The following ZNF326 variants were observed in gnomAD, a reference collection of about 807,000 sequenced individuals.
ZNF326 encodes the protein zinc finger protein 326.
In ZNF326, 30 loss-of-function variants were observed where a neutral mutation model predicts 63.1. That is an observed-to-expected ratio of 0.48 (90% confidence interval 0.36 to 0.64). The LOEUF is 0.64. Ranked by LOEUF, ZNF326 falls within the 30% of genes least tolerant of loss-of-function variation. ZNF326 has a pLI of 0.00. For missense variants in ZNF326, 609 were observed against 720.3 expected (o/e 0.85, Z 1.77); for synonymous variants, 194 against 228.2 (o/e 0.85, Z 1.35).
In ZNF326 at chr1:90,030,612, G is replaced by A. The variant is rs1650226456; in HGVS notation, c.*2911G>A. The A allele has an allele frequency of 6.6e-6, 1 of 151,884 alleles. No homozygotes were observed. Among genetic ancestry groups the A allele is most frequent in the Admixed American group, 6.6e-5 (1 of 15,244 alleles). The allele number at this position is 151,884 out of a possible 1,614,324, so 9.4% of individuals were successfully genotyped here. On this transcript the variant is annotated 3_prime_UTR_variant, in exon 12 of 12. Transcript: ENST00000340281. ...AAATGTTTGTAGAAACGAGGATTTG[G>A]GGGTACCAACCTAGATTTTACTAGA...
At chr1:90,001,410 C>T (rs915857004) in intron 2 of ZNF326, among the ~76,000 whole-genome samples, 5 of 152,098 alleles carry the variant, frequency 3.3e-5, no homozygotes, top group Non-Finnish European at 7.4e-5. Context: ...AGCAGGAAAA[C>T]CAGTTAGGAG....
Position 90,027,672 on chromosome 1 carries a change from T to C in ZNF326, c.1720T>C (p.Phe574Leu), listed in dbSNP as rs1465295403. Residue 574 changes from phenylalanine (F) to leucine (L), a missense_variant, in exon 12 of 12, where the codon TTC becomes CTC. Around this residue, in one of 3 missense-constraint regions of ZNF326, gnomAD observed 399 missense variants for 444.3 expected, o/e 0.90. Coordinates refer to ENST00000340281, the MANE Select transcript of ZNF326 (RefSeq NM_182976.4). ...EETAKEEPAD[F>L]PVEQPEEN is the part of the protein sequence containing the mutation. ...GACAGCAAAGGAAGAACCTGCTGAC[T>C]TCCCTGTTGAGCAACCTGAAGAAAA... 3.7e-6 allele frequency: 6 copies of C among 1,613,904 alleles called. No homozygotes were observed. In the South Asian group the frequency reaches 5.5e-5, roughly 15 times the overall value.
At chr1:90,002,661 A>C (rs1229470967) in intron 2 of ZNF326, among the ~76,000 whole-genome samples, 1 of 152,210 alleles carries the variant, frequency 6.6e-6, no homozygotes, top group African/African-American at 2.4e-5. Flanking sequence ...ACTGTTGAGC[A>C]CTTAAAACAT....
At position 90,022,377 on chromosome 1, in the gene ZNF326, ATAT is replaced by A. The variant is rs756964030; in HGVS notation, c.1401+34_1401+36del. 3.4e-6 allele frequency: 5 copies of A among 1,451,738 alleles called. No individual in the cohort carries two copies. In the African/African-American group the frequency reaches 7.0e-5, roughly 20 times the overall value. The allele number at this position is 1,451,738 out of a possible 1,614,324, so 89.9% of individuals were successfully genotyped here. ...TTTTAGGGCAAAAACCTTTTCAATAATATTGTAGTATTGCAATAATTAACTGGT... is the reference window on the plus strand; with the variant it reads ...TTTTAGGGCAAAAACCTTTTCAATAATGTAGTATTGCAATAATTAACTGGT... On this transcript the variant is annotated intron_variant, in intron 11 of 11. Coordinates refer to ENST00000340281, the MANE Select transcript of ZNF326 (RefSeq NM_182976.4).
At chr1:89,997,109 C>T (rs1024126440) in intron 1 of ZNF326, among the ~76,000 whole-genome samples, 10 of 152,198 alleles carry the variant, frequency 6.6e-5, no homozygotes, top group African/African-American at 2.4e-4. Context: ...TATACCACTG[C>T]TGTATTTGGA....
At chr1:90,002,223 A>T (rs1362079315) in intron 2 of ZNF326, among the ~76,000 whole-genome samples, 1 of 152,168 alleles carries the variant, frequency 6.6e-6, no homozygotes, top group Non-Finnish European at 1.5e-5. Context: ...TACTATGAAC[A>T]ATCAAACAGA....
At chr1:90,017,064 T>C (rs373909637) in intron 7 of ZNF326, among the ~76,000 whole-genome samples, 8 of 152,356 alleles carry the variant, frequency 5.3e-5, no homozygotes, top group Admixed American at 3.9e-4. Context: ...GGATAACTTA[T>C]AGATCCCCTG....
intron 2 of ZNF326, among the ~76,000 whole-genome samples, chr1:90,000,511 C>G (rs576872545): frequency 6.6e-6 from 1 of 152,100 alleles, no homozygotes; most frequent in Non-Finnish European, 1.5e-5. Flanking sequence ...CTAGCTTGGG[C>G]AACATAGTGA....
At chr1:89,999,189 G>T (rs1648547243) in intron 2 of ZNF326, among the ~76,000 whole-genome samples, 1 of 152,136 alleles carries the variant, frequency 6.6e-6, no homozygotes, top group African/African-American at 2.4e-5. Flanking sequence ...CTTGAACTTG[G>T]GAGGTGATAG....
rs1328757919 is a variant in ZNF326, at chr1:90,032,089, C to T, written c.*4388C>T. ...GGCAGATTCTTGGCAATGGTAAATT[C>T]AGTAGGTCCTGCCACCATTTGAGGC... On this transcript the variant is annotated 3_prime_UTR_variant, in exon 12 of 12. Transcript: ENST00000340281. The T allele has an allele frequency of 6.6e-6, 1 of 152,186 alleles. No individual in the cohort carries two copies. Among genetic ancestry groups the T allele is most frequent in the African/African-American group, 2.4e-5 (1 of 41,436 alleles). 9.4% of individuals were successfully genotyped at this position (152,186 alleles called of 1,614,324 possible).
intron 2 of ZNF326, among the ~76,000 whole-genome samples, chr1:90,001,559 T>TTC (rs1553135173): frequency 4.6e-5 from 7 of 151,380 alleles, no homozygotes; most frequent in Admixed American, 1.3e-4. Flanking sequence ...TTTTTAATTT[T>TTC]TTTTTTTTTT....
intron 6 of ZNF326, among the ~76,000 whole-genome samples, chr1:90,011,669 C>T (rs1483073110): frequency 6.6e-6 from 1 of 151,812 alleles, no homozygotes; most frequent in Admixed American, 6.6e-5. Flanking sequence ...AATTGAAACC[C>T]TCACACATTA....
chr1:90,010,390 C>T (rs1649180439), intron 6 of ZNF326, 104 bp downstream of exon 6: 2 of 1,105,514 alleles, frequency 1.8e-6, no homozygotes, highest in Admixed American at 2.7e-5. Context: ...AACTACATAA[C>T]AATTATGATT....
chr1:90,017,602 T>A (rs1353187500), intron 8 of ZNF326, 138 bp downstream of exon 8: 2 of 732,212 alleles, frequency 2.7e-6, no homozygotes, highest in Non-Finnish European at 4.2e-6. Context: ...GTTTTAAAAT[T>A]AACTCAGAAT....
In ZNF326 at chr1:90,032,726, T is replaced by C. The variant is rs1243439249; in HGVS notation, c.*5025T>C. 2 of 152,228 alleles carry C rather than the reference T, an allele frequency of 1.3e-5. No individual in the cohort carries two copies. The highest frequency in any genetic ancestry group is 4.8e-5 in the African/African-American group (2 of 41,450). The allele number at this position is 152,228 out of a possible 1,614,324, so 9.4% of individuals were successfully genotyped here. A position where few individuals can be genotyped will look rare whatever the true frequency, so the allele number is the denominator to read the frequency against. ...GTCTGTAGTGTGCTAAGCCAGATTT[T>C]TGAAGGACTAGATAGTTATTCTGGT... On this transcript the variant is annotated 3_prime_UTR_variant, in exon 12 of 12. Transcript: ENST00000340281.
chr1:89,997,061 A>C (rs994711822), intron 1 of ZNF326, among the ~76,000 whole-genome samples: 38 of 152,226 alleles, frequency 2.5e-4, no homozygotes, highest in Admixed American at 2.0e-4. Context: ...ATTCTAAACA[A>C]TATTAGTGAT....
At position 89,995,212 on chromosome 1, in the gene ZNF326, T is replaced by A; in HGVS notation, c.-46T>A. On this transcript the variant is annotated 5_prime_UTR_variant, in exon 1 of 12. Coordinates refer to ENST00000340281, the MANE Select transcript of ZNF326 (RefSeq NM_182976.4). ...GGTCGCGGACGCTCGCCGCCGGCCA[T>A]AGCTCAGCCTAGCGCCGCCAAGGCC... The A allele has an allele frequency of 6.5e-7, 1 of 1,533,470 alleles. No individual in the cohort carries two copies. The highest frequency in any genetic ancestry group is 1.2e-5 in the South Asian group (1 of 82,974). 95.0% of individuals were successfully genotyped at this position (1,533,470 alleles called of 1,614,324 possible). A position where few individuals can be genotyped will look rare whatever the true frequency, so the allele number is the denominator to read the frequency against.
intron 8 of ZNF326, among the ~76,000 whole-genome samples, chr1:90,017,688 G>C (rs1289712890): frequency 6.6e-6 from 1 of 152,168 alleles, no homozygotes; most frequent in Non-Finnish European, 1.5e-5. Flanking sequence ...GTTTCTGCGG[G>C]AGGTGTCCTT....
At chr1:90,004,955 A>AAG in intron 2 of ZNF326, 48 bp from the exon 3 acceptor site, 1 of 1,543,324 alleles carries the variant, frequency 6.5e-7, no homozygotes, top group Non-Finnish European at 8.9e-7. Context: ...AAGATCCCTG[A>AAG]AGAGAATGGT....
Sources: gnomAD v4.1 joint callset for allele counts (sites outside exome capture counted in the v4.1 genomes callset) on GRCh38, gnomAD v4.1.1 for gene constraint, gnomAD v4.1.1 regional missense constraint, MANE v1.5 for transcripts, NCBI Gene and HGNC (gene_info 2026-07-23, HGNC 2026-07-21) for gene names.